The following MACF1 variants were observed in gnomAD, a reference collection of about 807,000 sequenced individuals.
MACF1 encodes microtubule-actin cross-linking factor 1.
MACF1 carries 193 observed loss-of-function variants against 854.8 expected under a neutral mutation model. The observed-to-expected ratio is 0.23, with a 90% confidence interval of 0.20 to 0.25. MACF1 has a LOEUF of 0.25. Ranked by LOEUF, MACF1 falls within the 10% of genes least tolerant of loss-of-function variation. The probability of loss-of-function intolerance (pLI) is 1.00; values close to 1 mark genes in which losing one functional copy is unlikely to be tolerated. For synonymous variants in MACF1, 3,185 were observed against 3,226.7 expected (o/e 0.99, Z 0.44); for missense variants, 7,722 against 8,929.1 (o/e 0.86, Z 5.45).
At chr1:39,442,372 T>C in intron 76 of MACF1, 40 bp from the exon 77 acceptor site, 1 of 1,606,602 alleles carries the variant, frequency 6.2e-7, no homozygotes, top group Non-Finnish European at 8.5e-7. Flanking sequence ...TCTTTTCTAA[T>C]TTCGTATTGA....
At position 39,444,743 on chromosome 1, in the gene MACF1, G is replaced by A; in HGVS notation, c.19513G>A (p.Asp6505Asn). Reference protein sequence around the residue: ...DKGRLMLLSRDDSGSGSKTEQ... With the variant: ...DKGRLMLLSRNDSGSGSKTEQ... ...GGGCAGACTCATGCTTCTAAGCCGT[G>A]ACGACTCTGGGTCTGGCTCCAAGAC... is the stretch of plus-strand genomic sequence containing the variant. The change falls in exon 80 of 101, where the codon GAC (aspartate) becomes AAC (asparagine). Residue 6505 changes from aspartate (D) to asparagine (N), a missense_variant. By Grantham distance (23) the Asp-to-Asn change is conservative (BLOSUM62 1). Around this residue, in one of 15 missense-constraint regions of MACF1, gnomAD observed 729 missense variants for 900.5 expected, o/e 0.81. Coordinates refer to ENST00000564288, the MANE Select transcript of MACF1 (RefSeq NM_001394062.1). 6.2e-7 allele frequency: 1 copy of A among 1,614,186 alleles called. No individual in the cohort carries two copies. Among genetic ancestry groups the A allele is most frequent in the Non-Finnish European group, 8.5e-7 (1 of 1,180,010 alleles).
At chr1:39,411,911 C>T (rs1643024708) in intron 58 of MACF1, 1 of 1,613,864 alleles carries the variant, frequency 6.2e-7, no homozygotes, top group Non-Finnish European at 8.5e-7. Flanking sequence ...TCTCAGGTGC[C>T]TAATGCTGTG....
intron 2 of MACF1, chr1:39,103,594 G>A (rs899383822): frequency 6.5e-6 from 1 of 152,680 alleles, no homozygotes; most frequent in African/African-American, 2.4e-5. Context: ...GCCTTTTACT[G>A]AAAAATGCAT....
chr1:39,232,501 C>G (rs1037818006), intron 2 of MACF1, among the ~76,000 whole-genome samples: 6 of 152,146 alleles, frequency 3.9e-5, no homozygotes, highest in African/African-American at 1.4e-4. Context: ...TTTTCTTCCT[C>G]TGTCTGACTC....
At chr1:39,311,871 A>T (rs1646307596) in intron 26 of MACF1, among the ~76,000 whole-genome samples, 1 of 152,080 alleles carries the variant, frequency 6.6e-6, no homozygotes, top group Admixed American at 6.6e-5. Flanking sequence ...CTTAAAGGGG[A>T]TGGAAAGGAA....
In MACF1 at chr1:39,409,758, C is replaced by CA. The variant is rs1288731595; in HGVS notation, c.15817-12615dup. 1 of 152,800 alleles carries CA rather than the reference C, an allele frequency of 6.5e-6. No homozygotes were observed. The highest frequency in any genetic ancestry group is 2.4e-5 in the African/African-American group (1 of 41,446). The allele number at this position is 152,800 out of a possible 1,614,324, so 9.5% of individuals were successfully genotyped here. The stretch of plus-strand genomic sequence containing the variant: ...GGGAGGACGAATGGCTAATTCAGAC[C>CA]AGCTGGACTCTCCAGGGCTGGAACT... On this transcript the variant is annotated intron_variant, in intron 58 of 100. Transcript: ENST00000564288. This position sits in a 1 kb window ranked among gnomAD's most constrained non-coding sequence, Gnocchi z 4.2.
At chr1:39,285,847 C>A in intron 14 of MACF1, 89 bp downstream of exon 14, 1 of 1,447,184 alleles carries the variant, frequency 6.9e-7, no homozygotes, top group Non-Finnish European at 9.5e-7. Context: ...GGCACTTAAT[C>A]TTTTAACCTG....
Position 39,434,542 on chromosome 1 carries a change from C to G in MACF1, c.17694C>G (p.Pro5898=). ...GGGAAACTTATGAAGAGCTCAGCCC[C>G]TGGATTGAGGAAACTCGGGCACTAA... ...QFWETYEELS[P]WIEETRALIA... is the part of the protein sequence containing the mutation. The change falls in exon 69 of 101, where the codon CCC becomes CCG. Residue 5898 remains proline, a synonymous_variant. Transcript: ENST00000564288. 2 of 1,614,160 alleles carry G rather than the reference C, an allele frequency of 1.2e-6. No homozygotes were observed. The highest frequency in any genetic ancestry group is 1.7e-6 in the Non-Finnish European group (2 of 1,180,022).
chr1:39,190,394 TG>T lies in MACF1; in HGVS notation c.221-40787del, dbSNP rs1270650155. On this transcript the variant is annotated intron_variant, in intron 2 of 93. Transcript: ENST00000361689. The stretch of plus-strand genomic sequence containing the variant: ...TTGTGTGTGTGTGTGTGTGTGTGTT[TG>T]TTTTTGTTTTTTTTTTTTTTTTTTG... Among the ~76,000 whole-genome samples, 638 of 106,072 alleles carry T rather than the reference TG, an allele frequency of 6.0e-3. 3 individuals are homozygous for T. The highest frequency in any genetic ancestry group is 0.011 in the African/African-American group (343 of 30,270). 69.6% of individuals were successfully genotyped at this position (106,072 alleles called of 152,430 possible).
chr1:39,435,560 A>G lies in MACF1; in HGVS notation c.17787A>G (p.Gln5929=), dbSNP rs1178261348. The change falls in exon 70 of 101, where the codon CAA becomes CAG. Residue 5929 remains glutamine (Q), a splice_region_variant and synonymous_variant. Transcript: ENST00000564288. ...GGTTTAATTCTTTTTTTACCTAGCA[A>G]TTAAGGGAATCTATTGCTGAACACA... The part of the protein sequence containing the change: ...QLRQQQEEMR[Q]LRESIAEHKP... 3 of 1,612,546 alleles carry G rather than the reference A, an allele frequency of 1.9e-6. No homozygotes were observed. Among genetic ancestry groups the G allele is most frequent in the Non-Finnish European group, 2.5e-6 (3 of 1,179,126 alleles).
At chr1:39,223,091 AG>A (rs1644673553) in intron 1 of MACF1, among the ~76,000 whole-genome samples, 1 of 152,204 alleles carries the variant, frequency 6.6e-6, no homozygotes, top group African/African-American at 2.4e-5. Flanking sequence ...CTCCTGGAGG[AG>A]GGGATAGTTG....
chr1:39,416,224 C>T (rs1249448807), intron 58 of MACF1, among the ~76,000 whole-genome samples: 1 of 152,104 alleles, frequency 6.6e-6, no homozygotes, highest in Non-Finnish European at 1.5e-5. Context: ...TAGGATGCAT[C>T]ATCTTTGAGA....
At chr1:39,403,672 A>G (rs973219399) in intron 58 of MACF1, among the ~76,000 whole-genome samples, 2 of 152,114 alleles carry the variant, frequency 1.3e-5, no homozygotes, top group African/African-American at 4.8e-5. Flanking sequence ...TTCCTCTGCA[A>G]TTACTTTCAC....
intron 92 of MACF1, among the ~76,000 whole-genome samples, chr1:39,461,598 G>A (rs1644555632): frequency 6.6e-6 from 1 of 151,940 alleles, no homozygotes; most frequent in Admixed American, 6.6e-5. Flanking sequence ...AGACCAGCCT[G>A]GCCAACATGG....
intron 52 of MACF1, among the ~76,000 whole-genome samples, chr1:39,376,682 A>G (rs760733932): frequency 2.6e-5 from 4 of 152,126 alleles, no homozygotes; most frequent in Non-Finnish European, 5.9e-5. Context: ...ATTAACATTT[A>G]AAAGTTTTAT....
intron 80 of MACF1, among the ~76,000 whole-genome samples, chr1:39,445,794 A>G (rs1442496694): frequency 6.6e-6 from 1 of 152,146 alleles, no homozygotes; most frequent in African/African-American, 2.4e-5. Flanking sequence ...CCCCATCTCT[A>G]CAAAAATACC....
chr1:39,485,346 G>A, intron 100 of MACF1, 192 bp from the exon 101 acceptor site: 1 of 625,012 alleles, frequency 1.6e-6, no homozygotes, highest in South Asian at 2.1e-5. Context: ...ATCCCCAGGA[G>A]GCAGCTTCTC....
rs1421990709 is a variant in MACF1 at position 39,204,930 on chromosome 1, G to A, written c.-93G>A. The A allele has an allele frequency of 6.8e-5, 46 of 680,968 alleles. No individual in the cohort carries two copies. Among genetic ancestry groups the A allele is most frequent in the Non-Finnish European group, 1.2e-4 (45 of 374,320 alleles). 42.2% of individuals were successfully genotyped at this position (680,968 alleles called of 1,614,324 possible). On this transcript the variant is annotated 5_prime_UTR_variant, in exon 1 of 101. Coordinates refer to ENST00000564288, the MANE Select transcript of MACF1 (RefSeq NM_001394062.1). ...GCTCCGGCCTCTGCCTCTGCTGATA[G>A]TACAGGACAACAGTAACCTCAGGAG...
At chr1:39,435,453 A>C (rs1208488904) in intron 69 of MACF1, 105 bp from the exon 70 acceptor site, 2 of 941,918 alleles carry the variant, frequency 2.1e-6, no homozygotes, top group African/African-American at 3.3e-5. Context: ...GTTTTTAACA[A>C]TTTTGTTTGT....
Sources: allele counts gnomAD v4.1 joint callset (sites outside exome capture counted in the v4.1 genomes callset), GRCh38; gene constraint gnomAD v4.1.1; regional missense constraint gnomAD v4.1.1; non-coding constraint Gnocchi (gnomAD v3.1); transcripts MANE v1.5; gene names NCBI Gene and HGNC (gene_info 2026-07-23, HGNC 2026-07-21).